The following BSPRY variants were observed in gnomAD, a reference collection of about 807,000 sequenced individuals.
BSPRY encodes the protein B-box and SPRY domain containing.
A neutral mutation model predicts 38.0 loss-of-function variants in BSPRY; 33 were observed. The observed-to-expected ratio is 0.87, with a 90% CI of 0.66 to 1.16. The LOEUF (loss-of-function observed/expected upper bound fraction) is 1.16, where lower values mean the gene tolerates loss of function less well. Ranked by LOEUF, BSPRY falls within the 50% of genes most tolerant of loss-of-function variation. The pLI is 0.00. For missense variants in BSPRY, 523 were observed against 533.2 expected (o/e 0.98, Z 0.19); for synonymous variants, 224 against 228.5 (o/e 0.98, Z 0.18).
intron 2 of BSPRY, among the ~76,000 whole-genome samples, chr9:113,356,917 T>A (rs1314419651): frequency 6.6e-6 from 1 of 152,144 alleles, no homozygotes; most frequent in African/African-American, 2.4e-5. Context: ...GATACCTATT[T>A]GACATCCAAG....
intron 4 of BSPRY, among the ~76,000 whole-genome samples, chr9:113,364,754 T>C (rs2118926045): frequency 6.6e-6 from 1 of 152,228 alleles, no homozygotes; most frequent in Non-Finnish European, 1.5e-5. Flanking sequence ...CTTCAGCATG[T>C]TTCTCCTAGA....
chr9:113,359,029 TAAAGAAAAGA>T (rs1046708073), intron 2 of BSPRY, among the ~76,000 whole-genome samples: 2 of 121,502 alleles, frequency 1.6e-5, no homozygotes, highest in Non-Finnish European at 1.8e-5. Context: ...CTGTGTCTCT[TAAAGAAAAGA>T]AAAGAAAAGA....
chr9:113,367,872 C>A (rs10981777), intron 4 of BSPRY, among the ~76,000 whole-genome samples: 30,693 of 151,220 alleles, frequency 0.2, 3,222 homozygotes, highest in South Asian at 0.24. Flanking sequence ...ACTCTGTCAC[C>A]CAGGCTGGAG....
Position 113,349,770 on chromosome 9 carries a change from A to T in BSPRY, c.191A>T (p.Glu64Val). 8.1e-7 allele frequency: 1 copy of T among 1,233,948 alleles called. No individual in the cohort carries two copies. The highest frequency in any genetic ancestry group is 1.0e-6 in the Non-Finnish European group (1 of 989,230). 76.4% of individuals were successfully genotyped at this position (1,233,948 alleles called of 1,614,324 possible). A position where few individuals can be genotyped will look rare whatever the true frequency, so the allele number is the denominator to read the frequency against. Residue 64 changes from glutamate (E) to valine (V), a missense_variant, in exon 1 of 6, where the codon GAG becomes GTG. By Grantham distance (121) the Glu-to-Val change is moderately radical. Coordinates refer to ENST00000374183, the MANE Select transcript of BSPRY (RefSeq NM_017688.3). ...ATCCGCCGGGCGGAGGAGCGCGCCG[A>T]GGAGCTGCGGGTGAGCGGGTGTGGG... ...HRIRRAEERA[E>V]ELRNKIVDQC... is the part of the protein sequence containing the mutation.
chr9:113,368,024 T>C (rs551429966), intron 4 of BSPRY, among the ~76,000 whole-genome samples: 3 of 151,736 alleles, frequency 2.0e-5, no homozygotes, highest in African/African-American at 7.3e-5. Context: ...AGAGATGGAG[T>C]CTTATTATGT....
intron 3 of BSPRY, 45 bp downstream of exon 3, chr9:113,360,782 C>T: frequency 1.4e-6 from 2 of 1,449,984 alleles, no homozygotes; most frequent in Non-Finnish European, 1.9e-6. Context: ...GCCAGGCTCC[C>T]CAAAAGCCTG....
At chr9:113,355,480 G>A (rs55917620) in intron 2 of BSPRY, among the ~76,000 whole-genome samples, 26,953 of 152,086 alleles carry the variant, frequency 0.18, 2,482 homozygotes, top group Admixed American at 0.22. Context: ...TCTATGCTTT[G>A]CTTTTGCATG....
At chr9:113,364,751 A>G (rs1389617184) in intron 4 of BSPRY, among the ~76,000 whole-genome samples, 1 of 152,118 alleles carries the variant, frequency 6.6e-6, no homozygotes, top group Non-Finnish European at 1.5e-5. Flanking sequence ...ATACTTCAGC[A>G]TGTTTCTCCT....
chr9:113,355,330 A>G (rs897588723), intron 2 of BSPRY, among the ~76,000 whole-genome samples: 1 of 152,156 alleles, frequency 6.6e-6, no homozygotes, highest in East Asian at 1.9e-4. Flanking sequence ...TTTTAATTGC[A>G]TGGAACAGAA....
rs1339312570 is a variant in BSPRY at position 113,369,596 on chromosome 9, CTG to C, written c.683-19_683-18del. 8 of 1,588,874 alleles carry C rather than the reference CTG, an allele frequency of 5.0e-6. No individual in the cohort carries two copies. Among genetic ancestry groups the C allele is most frequent in the Admixed American group, 1.7e-5 (1 of 57,620 alleles). On this transcript the variant is annotated intron_variant, in intron 5 of 5. Coordinates refer to ENST00000374183, the MANE Select transcript of BSPRY (RefSeq NM_017688.3). ...GGGCAGGGGTGGGCCCTCGGCAACT[CTG>C]AGAATTCTTTCTGGCAGGCACAGAG...
intron 2 of BSPRY, among the ~76,000 whole-genome samples, chr9:113,358,494 C>T (rs1454342786): frequency 2.0e-5 from 3 of 151,956 alleles, no homozygotes; most frequent in Non-Finnish European, 4.4e-5. Context: ...TCTTAAACTC[C>T]TGACCTTGGG....
At chr9:113,362,528 G>T (rs1250538283) in intron 4 of BSPRY, 134 bp downstream of exon 4, 15 of 904,896 alleles carry the variant, frequency 1.7e-5, no homozygotes, top group Non-Finnish European at 2.5e-5. Context: ...CTGGAGCCTG[G>T]CTCTGTGGAC....
At chr9:113,354,135 A>T (rs974382061) in intron 1 of BSPRY, 105 bp from the exon 2 acceptor site, 1 of 842,128 alleles carries the variant, frequency 1.2e-6, no homozygotes, top group African/African-American at 1.7e-5. Context: ...GGCTATGACC[A>T]TGGGAGTGGG....
At chr9:113,363,305 C>T (rs1485475382) in intron 4 of BSPRY, among the ~76,000 whole-genome samples, 1 of 151,808 alleles carries the variant, frequency 6.6e-6, no homozygotes, top group Non-Finnish European at 1.5e-5. Context: ...AGCCATGCTT[C>T]GTGCTGAGAG....
At chr9:113,351,215 C>T (rs568656733) in intron 1 of BSPRY, among the ~76,000 whole-genome samples, 5 of 152,260 alleles carry the variant, frequency 3.3e-5, no homozygotes, top group East Asian at 1.9e-4. Context: ...CCCTAGGGAA[C>T]CTTCTTTGAA....
intron 4 of BSPRY, 89 bp downstream of exon 4, chr9:113,362,483 G>A (rs1834172334): frequency 1.4e-6 from 2 of 1,395,370 alleles, no homozygotes; most frequent in Admixed American, 1.7e-5. Flanking sequence ...GCTGCTCTTG[G>A]GAGAATGCAC....
chr9:113,367,258 A>T (rs1834266873), intron 4 of BSPRY, among the ~76,000 whole-genome samples: 1 of 152,152 alleles, frequency 6.6e-6, no homozygotes, highest in Admixed American at 6.5e-5. Flanking sequence ...TCTGTAGAGA[A>T]AACAGCAAAC....
chr9:113,353,059 A>G (rs777809817), intron 1 of BSPRY, among the ~76,000 whole-genome samples: 9 of 152,236 alleles, frequency 5.9e-5, no homozygotes, highest in Non-Finnish European at 1.0e-4. Flanking sequence ...GCAGCTGAGT[A>G]TGACGGAGGA....
At chr9:113,351,300 T>G (rs1658934170) in intron 1 of BSPRY, among the ~76,000 whole-genome samples, 1 of 152,164 alleles carries the variant, frequency 6.6e-6, no homozygotes, top group Admixed American at 6.5e-5. Context: ...TCCACCAAAT[T>G]AGAGTAGATT....
Sources: gnomAD v4.1 joint callset for allele counts (sites outside exome capture counted in the v4.1 genomes callset) on GRCh38, gnomAD v4.1.1 for gene constraint, MANE v1.5 for transcripts, NCBI Gene and HGNC (gene_info 2026-07-23, HGNC 2026-07-21) for gene names.